ENPP3: variants seen among roughly 807,000 people sequenced by gnomAD.
ENPP3 encodes the protein ectonucleotide pyrophosphatase/phosphodiesterase family member 3.
A neutral mutation model predicts 117.8 loss-of-function variants in ENPP3; 104 were observed. That is an observed-to-expected ratio of 0.88 (90% CI 0.75 to 1.04). The LOEUF (loss-of-function observed/expected upper bound fraction) is 1.04. Ranked by LOEUF, ENPP3 falls within the 50% of genes least tolerant of loss-of-function variation. ENPP3 has a pLI of 0.00. For synonymous variants in ENPP3, 380 were observed against 349.9 expected (o/e 1.09, Z -0.96); for missense variants, 1,026 against 1,051.9 (o/e 0.98, Z 0.34).
At chr6:131,676,253 T>G (rs1778866147) in intron 9 of ENPP3, among the ~76,000 whole-genome samples, 2 of 151,534 alleles carry the variant, frequency 1.3e-5, no homozygotes, top group Non-Finnish European at 2.9e-5. Flanking sequence ...GCTCTAGTTT[T>G]TTTTTTTTTT....
At chr6:131,745,297 A>C (rs1392750326) in intron 24 of ENPP3, among the ~76,000 whole-genome samples, 3 of 152,056 alleles carry the variant, frequency 2.0e-5, no homozygotes, top group Admixed American at 1.3e-4. Context: ...TCGCATTGTG[A>C]ATCTGACACA....
At chr6:131,649,306 C>T (rs1778214158) in intron 2 of ENPP3, among the ~76,000 whole-genome samples, 1 of 152,102 alleles carries the variant, frequency 6.6e-6, no homozygotes, top group African/African-American at 2.4e-5. Flanking sequence ...TTCCTGTTAC[C>T]AAAGGTTGGG....
intron 6 of ENPP3, among the ~76,000 whole-genome samples, chr6:131,661,429 G>T (rs920983966): frequency 1.3e-5 from 2 of 151,348 alleles, no homozygotes; most frequent in Non-Finnish European, 2.9e-5. Flanking sequence ...GATGTGACGT[G>T]CTATCTCATT....
chr6:131,668,470 C>T (rs1488387214), intron 6 of ENPP3, among the ~76,000 whole-genome samples: 1 of 152,046 alleles, frequency 6.6e-6, no homozygotes, highest in East Asian at 1.9e-4. Context: ...CCGCCTCAGC[C>T]TCCCAAAATC....
At chr6:131,724,706 A>G (rs1370022062) in intron 19 of ENPP3, among the ~76,000 whole-genome samples, 1 of 152,148 alleles carries the variant, frequency 6.6e-6, no homozygotes, top group Non-Finnish European at 1.5e-5. Flanking sequence ...GAGCTTAGTA[A>G]ATGTACTAGT....
chr6:131,693,789 G>A (rs897349902), intron 15 of ENPP3, among the ~76,000 whole-genome samples, 165 bp downstream of exon 15: 10 of 152,084 alleles, frequency 6.6e-5, no homozygotes, highest in East Asian at 1.9e-4. Flanking sequence ...TGAAGTGATC[G>A]TTATTAGATT....
At chr6:131,640,434 A>G (rs1255590328) in intron 1 of ENPP3, among the ~76,000 whole-genome samples, 2 of 152,230 alleles carry the variant, frequency 1.3e-5, no homozygotes, top group African/African-American at 4.8e-5. Context: ...GAGACTTCAT[A>G]TAAGAATTGT....
chr6:131,698,105 G>C lies in ENPP3; in HGVS notation c.1412+4481G>C, dbSNP rs563598725. On this transcript the variant is annotated intron_variant, in intron 15 of 24. Transcript: ENST00000357639. Reference sequence around the variant, plus strand: ...TAAGATTAGGGGTATGTGTGTGGGTGTGTGTGTGTGCGTGTGTATGTGTTT... The same window carrying C: ...TAAGATTAGGGGTATGTGTGTGGGTCTGTGTGTGTGCGTGTGTATGTGTTT... Among the ~76,000 whole-genome samples, 3 of 152,138 alleles carry C rather than the reference G, an allele frequency of 2.0e-5. No individual in the cohort carries two copies. In the South Asian group the frequency reaches 6.2e-4, roughly 31 times the overall value.
intron 11 of ENPP3, among the ~76,000 whole-genome samples, chr6:131,681,146 C>T (rs1779015668): frequency 6.6e-6 from 1 of 152,150 alleles, no homozygotes; most frequent in Non-Finnish European, 1.5e-5. Flanking sequence ...GTGCAGGTCA[C>T]ACTAAGACTG....
chr6:131,644,942 A>G (rs144204700), intron 2 of ENPP3, among the ~76,000 whole-genome samples: 1 of 152,296 alleles, frequency 6.6e-6, no homozygotes, highest in East Asian at 1.9e-4. Flanking sequence ...GTATGAAAAA[A>G]CGTAAAGACC....
chr6:131,654,026 G>A (rs1323641153), intron 5 of ENPP3, among the ~76,000 whole-genome samples: 1 of 152,092 alleles, frequency 6.6e-6, no homozygotes, highest in East Asian at 1.9e-4. Flanking sequence ...CCAAGTAATG[G>A]GAGAATGGTG....
At chr6:131,697,479 G>T (rs1336032281) in intron 15 of ENPP3, among the ~76,000 whole-genome samples, 1 of 151,814 alleles carries the variant, frequency 6.6e-6, no homozygotes, top group Admixed American at 6.6e-5. Flanking sequence ...GACGTTTATT[G>T]TGCACTTTAT....
intron 3 of ENPP3, among the ~76,000 whole-genome samples, chr6:131,651,078 C>G (rs1778252612): frequency 6.6e-6 from 1 of 152,080 alleles, no homozygotes; most frequent in Non-Finnish European, 1.5e-5. Flanking sequence ...CACTACCAAG[C>G]CTGGCTAATT....
intron 4 of ENPP3, 70 bp downstream of exon 4, chr6:131,652,737 T>C (rs1238334958): frequency 3.3e-5 from 52 of 1,598,852 alleles, no homozygotes; most frequent in Non-Finnish European, 4.4e-5. Context: ...CCTAGAGCCA[T>C]GCTAGGCTGC....
At chr6:131,647,003 A>G (rs1269158243) in intron 2 of ENPP3, among the ~76,000 whole-genome samples, 3 of 133,660 alleles carry the variant, frequency 2.2e-5, no homozygotes, top group African/African-American at 8.6e-5. Context: ...CCTCTTGAGT[A>G]GCTAGGACTA....
At chr6:131,730,656 C>G (rs1330513556) in intron 20 of ENPP3, among the ~76,000 whole-genome samples, 1 of 152,186 alleles carries the variant, frequency 6.6e-6, no homozygotes, top group Non-Finnish European at 1.5e-5. Context: ...TGGCTCACGC[C>G]TGTAATCCCA....
intron 5 of ENPP3, among the ~76,000 whole-genome samples, chr6:131,654,812 C>T (rs1778349833): frequency 6.6e-6 from 1 of 151,950 alleles, no homozygotes. Context: ...CTGTTTTTTT[C>T]CCATGCTGCT....
At chr6:131,692,319 A>G (rs1779298060) in intron 14 of ENPP3, among the ~76,000 whole-genome samples, 1 of 152,046 alleles carries the variant, frequency 6.6e-6, no homozygotes, top group Non-Finnish European at 1.5e-5. Flanking sequence ...CATTTCTACA[A>G]TTTTAAAATA....
chr6:131,645,387 T>G (rs1778134267), intron 2 of ENPP3, among the ~76,000 whole-genome samples: 1 of 152,228 alleles, frequency 6.6e-6, no homozygotes, highest in Admixed American at 6.5e-5. Context: ...AGTGTGCAGT[T>G]GGGTATAGAA....
Sources: allele counts gnomAD v4.1 joint callset (sites outside exome capture counted in the v4.1 genomes callset), GRCh38; gene constraint gnomAD v4.1.1; transcripts MANE v1.5; gene names NCBI Gene and HGNC (gene_info 2026-07-23, HGNC 2026-07-21).